The following ADAM12 variants were observed in gnomAD, a reference collection of about 807,000 sequenced individuals.
The protein encoded by ADAM12 is ADAM metallopeptidase domain 12.
A neutral mutation model predicts 106.4 loss-of-function variants in ADAM12; 70 were observed. That is an observed-to-expected ratio of 0.66 (90% CI 0.54 to 0.80). ADAM12 has a LOEUF of 0.80. Among genes scored for constraint, ADAM12 ranks in the 30% least tolerant of loss-of-function variants. ADAM12 has a pLI of 0.00. For missense variants in ADAM12, 1,010 were observed against 1,171.9 expected (o/e 0.86, Z 2.02); for synonymous variants, 420 against 433.5 (o/e 0.97, Z 0.39).
At chr10:126,203,238 T>C (rs991548210) in intron 3 of ADAM12, among the ~76,000 whole-genome samples, 8 of 152,184 alleles carry the variant, frequency 5.3e-5, no homozygotes, top group African/African-American at 1.9e-4. Flanking sequence ...GTAGTAGTAA[T>C]TTCCTATAAG....
chr10:126,344,053 T>C (rs1855044340), intron 1 of ADAM12, among the ~76,000 whole-genome samples: 1 of 152,228 alleles, frequency 6.6e-6, no homozygotes, highest in Non-Finnish European at 1.5e-5. Flanking sequence ...ATTTTGGCTT[T>C]TGTTGCCATT....
chr10:126,290,228 A>G (rs550260323), intron 2 of ADAM12, among the ~76,000 whole-genome samples: 2 of 152,280 alleles, frequency 1.3e-5, no homozygotes, highest in Admixed American at 1.3e-4. Flanking sequence ...ACCACATAGA[A>G]CTGAATTCCG....
intron 6 of ADAM12, among the ~76,000 whole-genome samples, chr10:126,111,740 T>C (rs1955872448): frequency 6.6e-6 from 1 of 152,218 alleles, no homozygotes; most frequent in African/African-American, 2.4e-5. Flanking sequence ...CATTTTCTCA[T>C]GAATTCAGAG....
At chr10:126,320,258 C>T (rs1271918412) in intron 2 of ADAM12, among the ~76,000 whole-genome samples, 1 of 152,196 alleles carries the variant, frequency 6.6e-6, no homozygotes, top group Non-Finnish European at 1.5e-5. Context: ...CTCACATTCT[C>T]AGGGACACGT....
intron 1 of ADAM12, among the ~76,000 whole-genome samples, chr10:126,349,775 G>A (rs539562342): frequency 6.6e-6 from 1 of 152,124 alleles, no homozygotes; most frequent in South Asian, 2.1e-4. Context: ...AAACTGTTTC[G>A]ACACCAGATC....
At chr10:126,299,836 G>T (rs552388101) in intron 2 of ADAM12, among the ~76,000 whole-genome samples, 4 of 152,104 alleles carry the variant, frequency 2.6e-5, no homozygotes, top group African/African-American at 9.6e-5. Flanking sequence ...TAGAGACGGG[G>T]TTTCGCCATG....
chr10:126,186,991 A>G (rs1218018685), intron 3 of ADAM12, among the ~76,000 whole-genome samples: 2 of 152,194 alleles, frequency 1.3e-5, no homozygotes, highest in African/African-American at 4.8e-5. Flanking sequence ...TAACTAGATC[A>G]ATCTCCAACT....
chr10:126,364,895 C>T (rs1004448468), intron 1 of ADAM12, among the ~76,000 whole-genome samples: 1 of 152,034 alleles, frequency 6.6e-6, no homozygotes, highest in African/African-American at 2.4e-5. Context: ...ATTAATATTC[C>T]GGGCCTCCCT....
intron 3 of ADAM12, among the ~76,000 whole-genome samples, chr10:126,201,575 C>T (rs74158384): frequency 1.3e-4 from 20 of 152,156 alleles, no homozygotes; most frequent in Admixed American, 4.6e-4. Context: ...TGCGAGAGAC[C>T]GAGTTTCTGT....
At chr10:126,375,026 AACAGGAG>A (rs1182883769) in intron 1 of ADAM12, among the ~76,000 whole-genome samples, 1 of 152,224 alleles carries the variant, frequency 6.6e-6, no homozygotes, top group Non-Finnish European at 1.5e-5. Context: ...CCTTAACAAC[AACAGGAG>A]ACGCAAGGAT....
chr10:126,311,137 A>ACACACACC (rs1491391781), intron 2 of ADAM12, among the ~76,000 whole-genome samples: 59 of 145,980 alleles, frequency 4.0e-4, no homozygotes, highest in Non-Finnish European at 8.0e-4. Context: ...ACACACACAC[A>ACACACACC]CCTGCACGCA....
intron 4 of ADAM12, among the ~76,000 whole-genome samples, chr10:126,147,247 T>G (rs1956645397): frequency 6.6e-6 from 1 of 152,160 alleles, no homozygotes; most frequent in Non-Finnish European, 1.5e-5. Context: ...GAGACATGTT[T>G]CCTTCCTTTC....
At chr10:126,087,772 T>C (rs189036054) in intron 11 of ADAM12, among the ~76,000 whole-genome samples, 1 of 152,250 alleles carries the variant, frequency 6.6e-6, no homozygotes, top group Non-Finnish European at 1.5e-5. Context: ...TCCCGCTACA[T>C]TGAATTTCTA....
chr10:126,381,282 C>T (rs1296873425), intron 1 of ADAM12, among the ~76,000 whole-genome samples: 4 of 152,010 alleles, frequency 2.6e-5, no homozygotes, highest in Non-Finnish European at 5.9e-5. Flanking sequence ...ATGTACATGG[C>T]GGAGTCACAG....
At chr10:126,345,806 T>C (rs546475673) in intron 1 of ADAM12, among the ~76,000 whole-genome samples, 1 of 152,240 alleles carries the variant, frequency 6.6e-6, no homozygotes, top group Non-Finnish European at 1.5e-5. Flanking sequence ...CTAGTTTATT[T>C]GTGTAGAGGT....
At chr10:126,236,650 CCATAGGAAGGAGCACT>C (rs1239578600) in intron 3 of ADAM12, among the ~76,000 whole-genome samples, 57 of 151,026 alleles carry the variant, frequency 3.8e-4, no homozygotes, top group Non-Finnish European at 1.9e-4. Flanking sequence ...GAAGGAACAC[CCATAGGAAGGAGCACT>C]CATAGGAAGG....
chr10:126,098,996 A>G (rs1026690223), intron 9 of ADAM12, among the ~76,000 whole-genome samples: 8 of 152,242 alleles, frequency 5.3e-5, no homozygotes, highest in African/African-American at 1.9e-4. Context: ...TGAAATGGGC[A>G]GAAAAATTAT....
chr10:126,275,803 T>C (rs1959226344), intron 3 of ADAM12, among the ~76,000 whole-genome samples: 1 of 152,186 alleles, frequency 6.6e-6, no homozygotes, highest in Non-Finnish European at 1.5e-5. Flanking sequence ...CAATAGTTTT[T>C]TTCCTTCAAA....
At chr10:126,195,781 ACTACT>A (rs1168439501) in intron 3 of ADAM12, among the ~76,000 whole-genome samples, 2 of 152,292 alleles carry the variant, frequency 1.3e-5, no homozygotes, top group South Asian at 2.1e-4. Context: ...TTTAAATGTG[ACTACT>A]CTATTTATAT....
Sources: allele counts gnomAD v4.1 joint callset (sites outside exome capture counted in the v4.1 genomes callset), GRCh38; gene constraint gnomAD v4.1.1; transcripts MANE v1.5; gene names NCBI Gene and HGNC (gene_info 2026-07-23, HGNC 2026-07-21).